Variants in PCDHA6 observed in about 807,000 individuals in gnomAD.
PCDHA6 encodes the protein protocadherin alpha-6.
In PCDHA6, 55 loss-of-function variants were observed where a neutral mutation model predicts 60.3. The ratio of observed to expected loss-of-function variants is 0.91; its 90% confidence interval spans 0.73 to 1.14. The LOEUF (loss-of-function observed/expected upper bound fraction) is 1.14. PCDHA6 is among the 50% of genes most tolerant of loss of function. The pLI is 0.00. For missense variants in PCDHA6, 1,327 were observed against 1,256.5 expected, an observed-to-expected ratio of 1.06 and a Z score of -0.85; for synonymous variants, 652 against 557.9, an observed-to-expected ratio of 1.17 and a Z score of -2.38.
chr5:140,842,009 G>A, intron 1 of PCDHA6: 3 of 1,613,748 alleles, frequency 1.9e-6, no homozygotes, highest in Non-Finnish European at 2.5e-6. Flanking sequence ...TCAGCTGCTG[G>A]TCACAGTGCT....
rs144631339 is a variant in PCDHA6 at position 140,834,572 on chromosome 5, G to T, written c.2394+4087G>T. 285 of 1,614,126 alleles carry T rather than the reference G, an allele frequency of 1.8e-4. 1 individual carries two copies. In the African/African-American group the frequency reaches 1.9e-3, roughly 11 times the overall value. ...AGCTGGCGGAGCTGGTGCCGCGCCTGTTCCGGGCGGTGTGCAAATTCCGTG... is the reference window on the plus strand; with the variant it reads ...AGCTGGCGGAGCTGGTGCCGCGCCTTTTCCGGGCGGTGTGCAAATTCCGTG... On this transcript the variant is annotated intron_variant, in intron 1 of 3. Transcript: ENST00000529310.
intron 1 of PCDHA6, among the ~76,000 whole-genome samples, chr5:140,875,118 A>T (rs1381092384): frequency 6.6e-6 from 1 of 152,224 alleles, no homozygotes; most frequent in African/African-American, 2.4e-5. Context: ...TATCATGTAT[A>T]TTAACTAAAC....
rs191954731 is a variant in PCDHA6 at position 140,913,936 on chromosome 5, A to G, written c.2395-65013A>G. Among the ~76,000 whole-genome samples the G allele has an allele frequency of 7.5e-3, 1,149 of 152,268 alleles. 4 individuals are homozygous for G. Among genetic ancestry groups the G allele is most frequent in the Admixed American group, 0.013 (194 of 15,286 alleles). ...AATTTTACTTCATTGTGGTCAGAGA[A>G]GAATCTTGATATGATATCATTTTTA... On this transcript the variant is annotated intron_variant, in intron 1 of 3. Transcript: ENST00000529310.
chr5:140,876,839 C>G, intron 1 of PCDHA6: 1 of 1,614,116 alleles, frequency 6.2e-7, no homozygotes, highest in Non-Finnish European at 8.5e-7. Flanking sequence ...CCTGCGTTCG[C>G]GCAGCCCGAG....
intron 1 of PCDHA6, chr5:140,877,951 G>A (rs1562741853): frequency 7.4e-7 from 1 of 1,344,742 alleles, no homozygotes; most frequent in Non-Finnish European, 9.7e-7. Context: ...ACTATCGAAT[G>A]TCTCATCTTT....
rs115795241 is a variant in PCDHA6, at chr5:140,931,728, G to A, written c.2395-47221G>A. 2.8e-3 allele frequency among the ~76,000 whole-genome samples: 427 copies of A among 151,850 alleles called. 1 individual carries two copies. The highest frequency in any genetic ancestry group is 4.4e-3 in the Non-Finnish European group (297 of 67,780). ...GAATAAAATAACTTCTATAAATATGGGGTATTTGTAATTCACAAAGGCATT... is the reference window on the plus strand; with the variant it reads ...GAATAAAATAACTTCTATAAATATGAGGTATTTGTAATTCACAAAGGCATT... On this transcript the variant is annotated intron_variant, in intron 1 of 3. Coordinates refer to ENST00000529310, the MANE Select transcript of PCDHA6 (RefSeq NM_018909.4).
chr5:140,845,125 T>C (rs1779709915), intron 1 of PCDHA6, among the ~76,000 whole-genome samples: 1 of 149,748 alleles, frequency 6.7e-6, no homozygotes, highest in Non-Finnish European at 1.5e-5. Flanking sequence ...GTTTAGCATT[T>C]TATTTGACTA....
chr5:140,921,345 A>C (rs1411062408), intron 1 of PCDHA6, among the ~76,000 whole-genome samples: 1 of 152,120 alleles, frequency 6.6e-6, no homozygotes, highest in African/African-American at 2.4e-5. Context: ...CACATAATAT[A>C]TTTGCCTATA....
At chr5:140,902,102 G>A (rs1407664200) in intron 1 of PCDHA6, among the ~76,000 whole-genome samples, 1 of 151,098 alleles carries the variant, frequency 6.6e-6, no homozygotes, top group African/African-American at 2.4e-5. Context: ...GGAGTCTTTA[G>A]ATTTTTTTAA....
intron 1 of PCDHA6, chr5:140,848,337 C>A (rs1402833811): frequency 1.3e-5 from 11 of 873,306 alleles, no homozygotes; most frequent in South Asian, 1.7e-5. Context: ...TGAATCCAGA[C>A]AAATACAGCC....
At chr5:140,968,612 C>A (rs782101758) in intron 1 of PCDHA6, 2 of 1,614,204 alleles carry the variant, frequency 1.2e-6, no homozygotes, top group East Asian at 2.2e-5. Flanking sequence ...AGACTCTGGG[C>A]AAAATGCTTG....
intron 1 of PCDHA6, chr5:140,834,164 A>G: frequency 1.8e-6 from 1 of 543,344 alleles, no homozygotes; most frequent in Non-Finnish European, 3.2e-6. Context: ...TGTAATTCTT[A>G]CTTACATGAT....
chr5:140,927,150 G>GT, intron 1 of PCDHA6: 1 of 1,614,134 alleles, frequency 6.2e-7, no homozygotes, highest in Non-Finnish European at 8.5e-7. Context: ...GCGAACAGCT[G>GT]TGCAGGGCCA....
intron 1 of PCDHA6, among the ~76,000 whole-genome samples, chr5:140,888,040 T>C (rs1338203545): frequency 6.6e-6 from 1 of 152,222 alleles, no homozygotes; most frequent in Non-Finnish European, 1.5e-5. Context: ...TTAGTACATG[T>C]ATAATAGATG....
In PCDHA6 at chr5:140,983,247, G is replaced by A. The variant is rs112993813; in HGVS notation, c.2542+684G>A. ...ACTTTCAGGAAAGAGAACCTGCTAA[G>A]TTGTGTAAAAAACCTAATGGCTGGG... On this transcript the variant is annotated intron_variant, in intron 3 of 3. Coordinates refer to ENST00000529310, the MANE Select transcript of PCDHA6 (RefSeq NM_018909.4). Among the ~76,000 whole-genome samples the A allele has an allele frequency of 9.0e-3, 1,377 of 152,306 alleles. 16 individuals are homozygous for A. The highest frequency in any genetic ancestry group is 0.043 in the East Asian group (224 of 5,190).
intron 3 of PCDHA6, among the ~76,000 whole-genome samples, chr5:140,989,708 G>T (rs2097355537): frequency 6.6e-6 from 1 of 152,154 alleles, no homozygotes; most frequent in South Asian, 2.1e-4. Context: ...ATCTTCAGAG[G>T]CAGTCAGCTT....
At position 140,858,521 on chromosome 5, in the gene PCDHA6, A is replaced by T. The variant is rs782589492; in HGVS notation, c.2394+28036A>T. 6.3e-6 allele frequency: 9 copies of T among 1,420,880 alleles called. 2 individuals are homozygous for T. The African/African-American group carries it at 1.3e-4, about 20-fold the overall frequency. 88.0% of individuals were successfully genotyped at this position (1,420,880 alleles called of 1,614,324 possible). ...CATTTTCTCAAATATGTATCAGAAT[A>T]TTTCATTTTTGTCTACATTCCATTT... On this transcript the variant is annotated intron_variant, in intron 1 of 3. Transcript: ENST00000529310.
intron 1 of PCDHA6, chr5:140,843,075 T>C: frequency 6.3e-7 from 1 of 1,595,272 alleles, no homozygotes; most frequent in Non-Finnish European, 8.6e-7. Context: ...CCGCGGTCTG[T>C]GGGCGCGGGC....
chr5:140,919,763 A>T (rs2079297949), intron 1 of PCDHA6, among the ~76,000 whole-genome samples: 2 of 152,090 alleles, frequency 1.3e-5, no homozygotes, highest in African/African-American at 4.8e-5. Flanking sequence ...TGCCTTTTGT[A>T]TTACTGTTAC....
Sources: allele counts gnomAD v4.1 joint callset (sites outside exome capture counted in the v4.1 genomes callset), GRCh38; gene constraint gnomAD v4.1.1; transcripts MANE v1.5; gene names NCBI Gene and HGNC (gene_info 2026-07-23, HGNC 2026-07-21).